The following CC2D2B variants were observed in gnomAD, a reference collection of about 807,000 sequenced individuals.
CC2D2B encodes protein CC2D2B.
CC2D2B carries 128 observed loss-of-function variants against 161.2 expected under a neutral mutation model. That is an observed-to-expected ratio of 0.79 (90% CI 0.69 to 0.92). The LOEUF is 0.92. Ranked by LOEUF, CC2D2B falls within the 40% of genes least tolerant of loss-of-function variation. The pLI, the probability that CC2D2B is intolerant of heterozygous loss-of-function variation, is 0.00. For missense variants in CC2D2B, 1,173 were observed against 1,375.1 expected (o/e 0.85, Z 2.32); for synonymous variants, 391 against 449.8 (o/e 0.87, Z 1.65).
intron 6 of CC2D2B, among the ~76,000 whole-genome samples, chr10:95,932,636 C>T (rs1335090549): frequency 6.6e-6 from 1 of 152,060 alleles, no homozygotes; most frequent in Non-Finnish European, 1.5e-5. Context: ...CCTTAGCTTA[C>T]GAAGTTTAGT....
chr10:96,012,409 A>C (rs926399817), intron 27 of CC2D2B, 42 bp downstream of exon 27: 2 of 700,518 alleles, frequency 2.9e-6, no homozygotes, highest in African/African-American at 3.6e-5. Flanking sequence ...ACCATCAAAG[A>C]GGTATGAACT....
rs558218273 is a variant in CC2D2B at position 95,922,957 on chromosome 10, T to A, written c.97+881T>A. Among the ~76,000 whole-genome samples, 31 of 148,344 alleles carry A rather than the reference T, an allele frequency of 2.1e-4. 1 individual carries two copies. In the East Asian group the frequency reaches 2.1e-3, roughly 10 times the overall value. On this transcript the variant is annotated intron_variant, in intron 3 of 34. Coordinates refer to ENST00000646931, the MANE Select transcript of CC2D2B (RefSeq NM_001349008.3). ...TGGGACTATAGGCATGTATGTTATTTTTTTTTTTTTTTGAGATGGAGTTTT... is the reference window on the plus strand; with the variant it reads ...TGGGACTATAGGCATGTATGTTATTATTTTTTTTTTTTGAGATGGAGTTTT...
At chr10:95,967,841 A>T (rs760339241) in intron 14 of CC2D2B, among the ~76,000 whole-genome samples, 5 of 152,144 alleles carry the variant, frequency 3.3e-5, no homozygotes, top group Non-Finnish European at 7.4e-5. Flanking sequence ...TGGACAGATA[A>T]TAAGGCAGGG....
intron 11 of CC2D2B, among the ~76,000 whole-genome samples, chr10:95,960,267 G>A (rs2076716237): frequency 6.6e-6 from 1 of 152,182 alleles, no homozygotes; most frequent in African/African-American, 2.4e-5. Context: ...CTTCAGCTAT[G>A]TGAGTGGATT....
chr10:96,021,124 G>C (rs2079438439), intron 32 of CC2D2B: 1 of 152,198 alleles, frequency 6.6e-6, no homozygotes, highest in Non-Finnish European at 1.5e-5. Context: ...ACTGAGTGTT[G>C]TCAAAGAGGC....
chr10:95,958,217 G>A (rs768465352), intron 11 of CC2D2B, among the ~76,000 whole-genome samples: 41 of 152,158 alleles, frequency 2.7e-4, no homozygotes, highest in Non-Finnish European at 5.1e-4. Context: ...TAGGCCGGGC[G>A]TGTTGGCTCC....
intron 2 of CC2D2B, among the ~76,000 whole-genome samples, chr10:95,915,091 G>A (rs2098513692): frequency 6.6e-6 from 1 of 151,958 alleles, no homozygotes; most frequent in South Asian, 2.1e-4. Context: ...TCAGTTTCTT[G>A]CATTTTATAG....
intron 3 of CC2D2B, among the ~76,000 whole-genome samples, chr10:95,923,095 G>T (rs1362417198): frequency 1.3e-5 from 2 of 152,160 alleles, no homozygotes; most frequent in Non-Finnish European, 2.9e-5. Context: ...TGGGATTACA[G>T]GCATGTGCCA....
chr10:96,001,703 A>G (rs1004706556), intron 24 of CC2D2B, among the ~76,000 whole-genome samples: 11 of 152,224 alleles, frequency 7.2e-5, no homozygotes, highest in African/African-American at 2.7e-4. Flanking sequence ...GAATTTTGTT[A>G]GCTTAGATAC....
At chr10:96,005,835 A>G (rs1036959412) in intron 25 of CC2D2B, among the ~76,000 whole-genome samples, 7 of 152,202 alleles carry the variant, frequency 4.6e-5, no homozygotes, top group African/African-American at 1.7e-4. Flanking sequence ...GTAGCCACAG[A>G]AAGACCTTAA....
chr10:96,008,758 T>C (rs61869172), intron 25 of CC2D2B, among the ~76,000 whole-genome samples: 19,290 of 152,166 alleles, frequency 0.13, 1,296 homozygotes, highest in Middle Eastern at 0.17. Flanking sequence ...TATTTTCTTA[T>C]TGAATTTTGG....
intron 17 of CC2D2B, among the ~76,000 whole-genome samples, chr10:95,981,398 CAAAAA>C (rs35175559): frequency 1.5e-4 from 13 of 88,432 alleles, no homozygotes; most frequent in Admixed American, 4.2e-4. Context: ...GACTCCGTCT[CAAAAA>C]AAAAAAAAAA....
chr10:95,938,016 A>G lies in CC2D2B; in HGVS notation c.362A>G (p.Lys121Arg), dbSNP rs759838397. 5.5e-5 allele frequency: 85 copies of G among 1,550,092 alleles called. No homozygotes were observed. The highest frequency in any genetic ancestry group is 6.5e-5 in the Non-Finnish European group (75 of 1,145,830). Reference sequence around the variant, plus strand: ...AGACCAGTAAACCGTAGTTATCCCAAATGCTTTTCACTTGGTGTTAATTTA... The same window carrying G: ...AGACCAGTAAACCGTAGTTATCCCAGATGCTTTTCACTTGGTGTTAATTTA... ...EQRPVNRSYP[K>R]CFSLGVNLQN... Residue 121 changes from lysine to arginine, a missense_variant, in exon 7 of 35, where the codon AAA becomes AGA. Physicochemically the swap from Lys to Arg is conservative, Grantham distance 26. Coordinates refer to ENST00000646931, the MANE Select transcript of CC2D2B (RefSeq NM_001349008.3).
At chr10:95,912,785 T>C (rs921274679) in intron 2 of CC2D2B, among the ~76,000 whole-genome samples, 1 of 152,146 alleles carries the variant, frequency 6.6e-6, no homozygotes, top group Non-Finnish European at 1.5e-5. Flanking sequence ...TAAAAGGCCT[T>C]TTTTATATTC....
intron 22 of CC2D2B, among the ~76,000 whole-genome samples, chr10:95,994,517 T>C (rs1457089596): frequency 6.6e-6 from 1 of 152,128 alleles, no homozygotes; most frequent in African/African-American, 2.4e-5. Context: ...GCCTGGATAA[T>C]ATCCAGCCTT....
At chr10:95,917,425 T>A (rs906757458) in intron 2 of CC2D2B, among the ~76,000 whole-genome samples, 5 of 152,160 alleles carry the variant, frequency 3.3e-5, no homozygotes, top group African/African-American at 9.7e-5. Context: ...TGTTTTCTGG[T>A]TGTTCTGTCT....
intron 33 of CC2D2B, among the ~76,000 whole-genome samples, chr10:96,025,164 T>TATATATAAAAAAAAAAA (rs2079653846): frequency 1.3e-4 from 1 of 7,560 alleles, no homozygotes; most frequent in South Asian, 3.8e-3. Context: ...AATATATATA[T>TATATATAAAAAAAAAAA]ATATATATAT....
chr10:96,032,167 AC>A lies in CC2D2B; in HGVS notation c.*163del. ...AGAGCTGGGCACTATGGAGACTCGC[AC>A]CCCTGAGTGAGTCTTTGAGGAGGAG... On this transcript the variant is annotated 3_prime_UTR_variant, in exon 35 of 35. Coordinates refer to ENST00000646931, the MANE Select transcript of CC2D2B (RefSeq NM_001349008.3). 1 of 583,242 alleles carries A rather than the reference AC, an allele frequency of 1.7e-6. No homozygotes were observed. Among genetic ancestry groups the A allele is most frequent in the South Asian group, 2.3e-5 (1 of 43,456 alleles). The allele number at this position is 583,242 out of a possible 1,614,324, so 36.1% of individuals were successfully genotyped here.
At chr10:95,986,208 A>G (rs1053186179) in intron 19 of CC2D2B, among the ~76,000 whole-genome samples, 1 of 150,452 alleles carries the variant, frequency 6.6e-6, no homozygotes, top group African/African-American at 2.5e-5. Context: ...CTCGGGGGGC[A>G]TCACGGAACC....
Sources: gnomAD v4.1 joint callset for allele counts (sites outside exome capture counted in the v4.1 genomes callset) on GRCh38, gnomAD v4.1.1 for gene constraint, MANE v1.5 for transcripts, NCBI Gene and HGNC (gene_info 2026-07-23, HGNC 2026-07-21) for gene names.